Variants in MAGI2 observed in about 807,000 individuals in gnomAD.
MAGI2 encodes membrane associated guanylate kinase, WW and PDZ domain containing 2, also known as membrane-associated guanylate kinase, WW and PDZ domain-containing protein 2.
In MAGI2, 35 loss-of-function variants were observed where a neutral mutation model predicts 133.3. That is an observed-to-expected ratio of 0.26 (90% CI 0.20 to 0.35). The LOEUF (loss-of-function observed/expected upper bound fraction) is 0.35. Ranked by LOEUF, MAGI2 falls within the 10% of genes least tolerant of loss-of-function variation. MAGI2 has a pLI of 1.00. For missense variants in MAGI2, 1,636 were observed against 1,863.4 expected (o/e 0.88, Z 2.25); for synonymous variants, 729 against 710.6 (o/e 1.03, Z -0.41).
At chr7:78,722,385 T>G (rs17385455) in intron 2 of MAGI2, among the ~76,000 whole-genome samples, 13,925 of 151,984 alleles carry the variant, frequency 0.092, 717 homozygotes, top group Admixed American at 0.14. Flanking sequence ...GGAACATGTT[T>G]CAAAATAGGT....
At chr7:79,402,956 G>A (rs888610019) in intron 1 of MAGI2, among the ~76,000 whole-genome samples, 1 of 152,134 alleles carries the variant, frequency 6.6e-6, no homozygotes, top group African/African-American at 2.4e-5. Context: ...TAGGTACCCT[G>A]TTCCTCAGTT....
At position 78,516,405 on chromosome 7, in the gene MAGI2, G is replaced by A. The variant is rs1796044742; in HGVS notation, c.754+5025C>T. On this transcript the variant is annotated intron_variant, in intron 4 of 21. Coordinates refer to ENST00000354212, the MANE Select transcript of MAGI2 (RefSeq NM_012301.4). ...CTCACTCTGTTACCCAGGCTGGAGT[G>A]CAGAGGCATGATCATGGCTCCTTGC... 2.6e-5 allele frequency among the ~76,000 whole-genome samples: 4 copies of A among 152,262 alleles called. No homozygotes were observed. In the South Asian group the frequency reaches 8.3e-4, roughly 32 times the overall value.
chr7:79,026,151 G>T (rs2116746031), intron 1 of MAGI2, among the ~76,000 whole-genome samples: 1 of 152,248 alleles, frequency 6.6e-6, no homozygotes, highest in South Asian at 2.1e-4. Flanking sequence ...GACTAAGCCA[G>T]ATATGGGAAA....
intron 1 of MAGI2, among the ~76,000 whole-genome samples, chr7:79,292,625 C>A (rs1725701103): frequency 6.6e-6 from 1 of 150,520 alleles, no homozygotes; most frequent in South Asian, 2.1e-4. Context: ...AGAGTGAGAC[C>A]CTGCCACCAA....
At chr7:78,100,806 A>G (rs980577353) in intron 20 of MAGI2, among the ~76,000 whole-genome samples, 11 of 152,236 alleles carry the variant, frequency 7.2e-5, no homozygotes, top group Non-Finnish European at 1.6e-4. Context: ...AGAAAATACT[A>G]GAGAATTTAC....
At chr7:78,388,322 G>A (rs1021483785) in intron 6 of MAGI2, among the ~76,000 whole-genome samples, 4 of 152,044 alleles carry the variant, frequency 2.6e-5, no homozygotes, top group Admixed American at 2.6e-4. Context: ...ATCGGTAGTG[G>A]TAGTAACCAT....
At chr7:78,874,586 G>A (rs886859926) in intron 2 of MAGI2, among the ~76,000 whole-genome samples, 1 of 152,130 alleles carries the variant, frequency 6.6e-6, no homozygotes, top group Non-Finnish European at 1.5e-5. Flanking sequence ...CAAAAAAGTT[G>A]ATCTCATAGA....
chr7:78,636,381 C>T (rs1809646193), intron 2 of MAGI2, among the ~76,000 whole-genome samples: 1 of 144,034 alleles, frequency 6.9e-6, no homozygotes, highest in South Asian at 2.2e-4. Context: ...AAGAAGAAAC[C>T]TCACTGAATA....
At chr7:78,555,133 G>GAAAT (rs199696275) in intron 3 of MAGI2, among the ~76,000 whole-genome samples, 8,215 of 130,034 alleles carry the variant, frequency 0.063, 509 homozygotes, top group East Asian at 0.29. Flanking sequence ...GGCACTGTCA[G>GAAAT]AAATAAATAA....
At chr7:79,113,525 T>C (rs1000158073) in intron 1 of MAGI2, among the ~76,000 whole-genome samples, 1 of 152,168 alleles carries the variant, frequency 6.6e-6, no homozygotes, top group African/African-American at 2.4e-5. Context: ...AAGTGATCAG[T>C]CACTGACAGA....
chr7:78,198,428 GTTTTTTT>G (rs398066996), intron 11 of MAGI2, among the ~76,000 whole-genome samples: 1 of 97,494 alleles, frequency 1.0e-5, no homozygotes, highest in East Asian at 3.4e-4. Context: ...GGCTGTGGCC[GTTTTTTT>G]TTTTTTTTTT....
chr7:79,288,618 C>G (rs1034074117), intron 1 of MAGI2, among the ~76,000 whole-genome samples: 3 of 152,044 alleles, frequency 2.0e-5, no homozygotes, highest in Admixed American at 2.0e-4. Flanking sequence ...TATCATTTTA[C>G]CAACTGGTAA....
chr7:78,473,090 T>C (rs566778836), intron 6 of MAGI2, among the ~76,000 whole-genome samples: 34 of 152,222 alleles, frequency 2.2e-4, no homozygotes, highest in Non-Finnish European at 3.8e-4. Context: ...AAGATAACAA[T>C]TGACATCTGT....
intron 2 of MAGI2, among the ~76,000 whole-genome samples, chr7:78,845,691 G>GA (rs1792534965): frequency 3.3e-5 from 5 of 151,990 alleles, no homozygotes; most frequent in Admixed American, 3.3e-4. Flanking sequence ...GGAATGGATA[G>GA]AAAAATCTTT....
At chr7:78,070,806 C>A (rs1015144044) in intron 21 of MAGI2, among the ~76,000 whole-genome samples, 2 of 151,840 alleles carry the variant, frequency 1.3e-5, no homozygotes, top group Non-Finnish European at 2.9e-5. Flanking sequence ...CCACACCCGG[C>A]TGATTTCAGG....
intron 10 of MAGI2, among the ~76,000 whole-genome samples, chr7:78,221,964 C>A (rs143689528): frequency 6.6e-6 from 1 of 151,954 alleles, no homozygotes; most frequent in East Asian, 2.0e-4. Flanking sequence ...GTGGGAGGAT[C>A]GCTTGAGCCC....
chr7:78,723,964 A>C (rs556462612), intron 2 of MAGI2, among the ~76,000 whole-genome samples: 1 of 152,220 alleles, frequency 6.6e-6, no homozygotes, highest in East Asian at 1.9e-4. Context: ...AAAGAGGAAA[A>C]AAGAAGGAAA....
rs1463228693 is a variant in MAGI2 at position 78,343,856 on chromosome 7, C to G, written c.1330G>C (p.Asp444His). The G allele has an allele frequency of 1.2e-6, 2 of 1,613,490 alleles. No individual in the cohort carries two copies. The highest frequency in any genetic ancestry group is 1.1e-5 in the South Asian group (1 of 90,912). The change falls in exon 9 of 22, where the codon GAC (aspartate) becomes CAC (histidine). Residue 444 changes from aspartate to histidine, a missense_variant. Physicochemically the swap from Asp to His is moderately conservative, Grantham distance 81. Transcript: ENST00000354212. ...MGFGFTIIGG[D>H]EPDEFLQVKS... is the part of the protein sequence containing the mutation. The stretch of plus-strand genomic sequence containing the variant: ...ACCTGCAGAAACTCATCAGGCTCGT[C>G]TCCACCAATGATGGTAAATCCAAAG...
At chr7:78,110,469 G>T (rs983503724) in intron 20 of MAGI2, among the ~76,000 whole-genome samples, 1 of 152,184 alleles carries the variant, frequency 6.6e-6, no homozygotes, top group Non-Finnish European at 1.5e-5. Context: ...TAGGCAGTTG[G>T]AAATTCAGGC....
Sources: gnomAD v4.1 joint callset for allele counts (sites outside exome capture counted in the v4.1 genomes callset) on GRCh38, gnomAD v4.1.1 for gene constraint, MANE v1.5 for transcripts, NCBI Gene and HGNC (gene_info 2026-07-23, HGNC 2026-07-21) for gene names.